Variants in RAP1A observed in about 807,000 individuals in gnomAD.
The protein encoded by RAP1A is ras-related protein Rap-1A.
A neutral mutation model predicts 26.4 loss-of-function variants in RAP1A; 6 were observed. That is an observed-to-expected ratio of 0.23 (90% CI 0.12 to 0.45). The LOEUF is 0.45. RAP1A is among the 20% of genes least tolerant of loss of function. The pLI is 0.99. For missense variants in RAP1A, 121 were observed against 217.2 expected (o/e 0.56, Z 2.78); for synonymous variants, 73 against 79.4 (o/e 0.92, Z 0.43).
chr1:111,633,523 A>G (rs1026994941), intron 1 of RAP1A, among the ~76,000 whole-genome samples: 2 of 152,184 alleles, frequency 1.3e-5, no homozygotes, highest in East Asian at 3.8e-4. Context: ...ATTTTCATAT[A>G]TTAGGTTATT....
chr1:111,706,013 C>T (rs1482172244), intron 6 of RAP1A, among the ~76,000 whole-genome samples: 1 of 152,194 alleles, frequency 6.6e-6, no homozygotes, highest in Non-Finnish European at 1.5e-5. Flanking sequence ...TGAGAACCTA[C>T]ATGCTATTAA....
At chr1:111,594,563 G>GGGAGGGAA (rs1318592101) in intron 1 of RAP1A, among the ~76,000 whole-genome samples, 1 of 108,648 alleles carries the variant, frequency 9.2e-6, no homozygotes, top group African/African-American at 3.6e-5. Flanking sequence ...AAGGAAAGGA[G>GGGAGGGAA]GGAGGGAAGG....
At chr1:111,674,069 A>T (rs929570042) in intron 1 of RAP1A, among the ~76,000 whole-genome samples, 2 of 152,200 alleles carry the variant, frequency 1.3e-5, no homozygotes, top group East Asian at 3.9e-4. Context: ...CTGTTGCTGT[A>T]GAAAAGCTGG....
intron 1 of RAP1A, among the ~76,000 whole-genome samples, chr1:111,546,800 C>G (rs1657050171): frequency 6.6e-6 from 1 of 152,116 alleles, no homozygotes; most frequent in Admixed American, 6.5e-5. Context: ...AATAGAATTG[C>G]TGGATCATAT....
intron 1 of RAP1A, among the ~76,000 whole-genome samples, chr1:111,626,100 G>C (rs1659389812): frequency 6.6e-6 from 1 of 152,136 alleles, no homozygotes; most frequent in Non-Finnish European, 1.5e-5. Context: ...CCTGTCATGT[G>C]TTTTATAAAT....
At chr1:111,550,829 T>G (rs1657227458) in intron 1 of RAP1A, among the ~76,000 whole-genome samples, 2 of 152,260 alleles carry the variant, frequency 1.3e-5, no homozygotes, top group Admixed American at 1.3e-4. Flanking sequence ...GAACATATTT[T>G]ATGTAATTTC....
At chr1:111,695,281 A>G in intron 2 of RAP1A, 60 bp from the exon 3 acceptor site, 2 of 1,244,390 alleles carry the variant, frequency 1.6e-6, no homozygotes, top group Non-Finnish European at 2.2e-6. Flanking sequence ...TTGTAGGTTA[A>G]GTAACATTCA....
intron 1 of RAP1A, among the ~76,000 whole-genome samples, chr1:111,592,331 G>A (rs1658486095): frequency 6.6e-6 from 1 of 152,128 alleles, no homozygotes; most frequent in Non-Finnish European, 1.5e-5. Context: ...TCTCCTGGCT[G>A]ACCTGTCACA....
chr1:111,604,963 C>A (rs1470701513), intron 1 of RAP1A, among the ~76,000 whole-genome samples: 1 of 152,196 alleles, frequency 6.6e-6, no homozygotes, highest in Admixed American at 6.5e-5. Flanking sequence ...ACCAGAGCTT[C>A]AAGTTAGTGT....
intron 4 of RAP1A, among the ~76,000 whole-genome samples, chr1:111,700,902 C>T (rs1662002252): frequency 6.6e-6 from 1 of 152,136 alleles, no homozygotes; most frequent in African/African-American, 2.4e-5. Context: ...ACTCAGCTAC[C>T]ACCACTAGAA....
upstream of RAP1A, among the ~76,000 whole-genome samples, chr1:111,616,503 C>T (rs984868446): frequency 3.9e-5 from 6 of 152,204 alleles, no homozygotes; most frequent in African/African-American, 1.4e-4. Flanking sequence ...CCATGCTCAA[C>T]TTTTGGAAAG....
chr1:111,636,736 G>C (rs1012814524), intron 1 of RAP1A, among the ~76,000 whole-genome samples: 1 of 151,080 alleles, frequency 6.6e-6, no homozygotes, highest in East Asian at 1.9e-4. Flanking sequence ...CCTTGGCCTC[G>C]CAAAGTGCTG....
intron 1 of RAP1A, among the ~76,000 whole-genome samples, chr1:111,553,324 T>C (rs1238316528): frequency 1.3e-5 from 2 of 152,248 alleles, no homozygotes; most frequent in Admixed American, 6.5e-5. Flanking sequence ...TCATGACATA[T>C]ACAGCATTGA....
At chr1:111,582,742 A>G (rs1253605883) in intron 1 of RAP1A, among the ~76,000 whole-genome samples, 1 of 152,234 alleles carries the variant, frequency 6.6e-6, no homozygotes, top group Non-Finnish European at 1.5e-5. Flanking sequence ...TAAAAAAATT[A>G]AAAGTACTCA....
At chr1:111,607,003 T>TTTTATGTATTTA (rs1658798190) in intron 1 of RAP1A, among the ~76,000 whole-genome samples, 1 of 145,680 alleles carries the variant, frequency 6.9e-6, no homozygotes, top group Non-Finnish European at 1.5e-5. Context: ...ATTCATTTTC[T>TTTTATGTATTTA]TTTATTTATT....
rs1026991956 is a variant in RAP1A at position 111,712,615 on chromosome 1, A to G, written c.*214A>G. 6.6e-6 allele frequency: 1 copy of G among 152,540 alleles called. No individual in the cohort carries two copies. The highest frequency in any genetic ancestry group is 2.4e-5 in the African/African-American group (1 of 41,452). The allele number at this position is 152,540 out of a possible 1,614,324, so 9.4% of individuals were successfully genotyped here. On this transcript the variant is annotated 3_prime_UTR_variant, in exon 8 of 8. Coordinates refer to ENST00000369709, the MANE Select transcript of RAP1A (RefSeq NM_002884.4). ...TGTATATCTCTTGGAAAATAAGACA[A>G]TAGTATTTCTCCTTTGCAATAGCAG...
Position 111,713,799 on chromosome 1 carries a change from A to C in RAP1A, c.*1398A>C, listed in dbSNP as rs1481874239. On this transcript the variant is annotated 3_prime_UTR_variant, in exon 8 of 8. Transcript: ENST00000369709. ...TAAGACATGGACCCAGGGTGATACT[A>C]CTTATGTAGTCTCTATAAAGAGAGG... 6.6e-6 allele frequency: 1 copy of C among 152,194 alleles called. No homozygotes were observed. The highest frequency in any genetic ancestry group is 2.4e-5 in the African/African-American group (1 of 41,452). 9.4% of individuals were successfully genotyped at this position (152,194 alleles called of 1,614,324 possible). A position where few individuals can be genotyped will look rare whatever the true frequency, so the allele number is the denominator to read the frequency against.
intron 1 of RAP1A, among the ~76,000 whole-genome samples, chr1:111,582,692 G>C (rs1658281478): frequency 6.6e-6 from 1 of 152,200 alleles, no homozygotes; most frequent in African/African-American, 2.4e-5. Context: ...TGTAATGCCA[G>C]ATAAATGTCA....
intron 1 of RAP1A, among the ~76,000 whole-genome samples, chr1:111,613,453 C>A (rs528859221): frequency 1.3e-5 from 2 of 152,198 alleles, no homozygotes; most frequent in African/African-American, 4.8e-5. Flanking sequence ...CCCACCTTGG[C>A]CTCCCAAAGT....
Sources: allele counts gnomAD v4.1 joint callset (sites outside exome capture counted in the v4.1 genomes callset), GRCh38; gene constraint gnomAD v4.1.1; transcripts MANE v1.5; gene names NCBI Gene and HGNC (gene_info 2026-07-23, HGNC 2026-07-21).